Variants in MAGI2 observed in about 807,000 individuals in gnomAD.
MAGI2 encodes membrane associated guanylate kinase, WW and PDZ domain containing 2.
Under a neutral mutation model 133.3 loss-of-function variants are expected in MAGI2, and 35 were observed. That is an observed-to-expected ratio of 0.26 (90% CI 0.20 to 0.35). The LOEUF (loss-of-function observed/expected upper bound fraction) is 0.35, where lower values mean the gene tolerates loss of function less well. Ranked by LOEUF, MAGI2 falls within the 10% of genes least tolerant of loss-of-function variation. The pLI is 1.00. For synonymous variants in MAGI2, 729 were observed against 710.6 expected (o/e 1.03, Z -0.41); for missense variants, 1,636 against 1,863.4 (o/e 0.88, Z 2.25).
chr7:79,443,964 G>C (rs966942499), intron 1 of MAGI2, among the ~76,000 whole-genome samples: 1 of 152,136 alleles, frequency 6.6e-6, no homozygotes, highest in African/African-American at 2.4e-5. Flanking sequence ...CTATAAGGCA[G>C]TTATGAGGTT....
At chr7:79,027,644 G>T (rs2116763167) in intron 1 of MAGI2, among the ~76,000 whole-genome samples, 1 of 152,124 alleles carries the variant, frequency 6.6e-6, no homozygotes, top group South Asian at 2.1e-4. Flanking sequence ...ACAGTGTATT[G>T]TACATTTCCA....
intron 2 of MAGI2, among the ~76,000 whole-genome samples, chr7:78,762,015 T>C (rs943714154): frequency 6.6e-5 from 10 of 152,284 alleles, no homozygotes; most frequent in African/African-American, 2.4e-4. Context: ...TTTTCCTGTA[T>C]CAAATTATTT....
At chr7:78,403,824 G>T (rs565985784) in intron 6 of MAGI2, among the ~76,000 whole-genome samples, 1 of 152,226 alleles carries the variant, frequency 6.6e-6, no homozygotes, top group East Asian at 1.9e-4. Context: ...GGTCAATCAG[G>T]CAGGAGAAAG....
intron 1 of MAGI2, among the ~76,000 whole-genome samples, chr7:79,447,238 A>C (rs992045711): frequency 6.6e-6 from 1 of 152,178 alleles, no homozygotes; most frequent in Admixed American, 6.5e-5. Flanking sequence ...GTCCCTATGC[A>C]AGTCTTTAAC....
intron 10 of MAGI2, among the ~76,000 whole-genome samples, chr7:78,238,534 C>CAA (rs57547010): frequency 0.29 from 43,774 of 149,752 alleles, 7,330 homozygotes; most frequent in Non-Finnish European, 0.37. Flanking sequence ...GAACCTGTCT[C>CAA]AAAAAAAAAA....
chr7:78,831,507 C>T (rs946834793), intron 2 of MAGI2, among the ~76,000 whole-genome samples: 3 of 151,972 alleles, frequency 2.0e-5, no homozygotes, highest in African/African-American at 7.2e-5. Context: ...CCACCTTGTC[C>T]TCCCAAAGTG....
At chr7:78,948,171 C>T (rs997974500) in intron 2 of MAGI2, among the ~76,000 whole-genome samples, 2 of 152,000 alleles carry the variant, frequency 1.3e-5, no homozygotes, top group African/African-American at 4.8e-5. Flanking sequence ...GCCATACTGC[C>T]TTGAAAATTA....
intron 2 of MAGI2, among the ~76,000 whole-genome samples, chr7:78,771,951 T>C (rs1825627638): frequency 6.6e-6 from 1 of 152,180 alleles, no homozygotes; most frequent in Non-Finnish European, 1.5e-5. Flanking sequence ...ATGTAATAAA[T>C]ATAGCAAGTA....
chr7:79,136,932 T>C (rs1821631133), intron 1 of MAGI2, among the ~76,000 whole-genome samples: 1 of 152,146 alleles, frequency 6.6e-6, no homozygotes, highest in South Asian at 2.1e-4. Flanking sequence ...ATGCCTCCCA[T>C]TGGTCCCAGG....
intron 6 of MAGI2, among the ~76,000 whole-genome samples, chr7:78,478,952 C>G (rs972311623): frequency 1.3e-5 from 2 of 151,772 alleles, no homozygotes; most frequent in Admixed American, 6.6e-5. Flanking sequence ...TTTTCCTGAC[C>G]CATACCTAGA....
chr7:78,776,402 T>A (rs1196084843), intron 2 of MAGI2, among the ~76,000 whole-genome samples: 1 of 152,214 alleles, frequency 6.6e-6, no homozygotes, highest in Non-Finnish European at 1.5e-5. Flanking sequence ...TTATAATTGA[T>A]CCATAGTAGA....
chr7:79,244,266 A>T (rs1832652784), intron 1 of MAGI2, among the ~76,000 whole-genome samples: 1 of 152,238 alleles, frequency 6.6e-6, no homozygotes, highest in Non-Finnish European at 1.5e-5. Context: ...AACTATCCAC[A>T]CAGAAAAGTG....
intron 1 of MAGI2, among the ~76,000 whole-genome samples, chr7:79,376,844 G>GTA (rs2129139119): frequency 6.6e-6 from 1 of 151,156 alleles, no homozygotes; most frequent in Admixed American, 6.6e-5. Flanking sequence ...GTGTGTGGGT[G>GTA]TATGGCGTGT....
chr7:78,572,656 A>ATATTTATT (rs373624582), intron 3 of MAGI2, among the ~76,000 whole-genome samples: 1 of 151,566 alleles, frequency 6.6e-6, no homozygotes, highest in African/African-American at 2.4e-5. Context: ...ATTTACTTTT[A>ATATTTATT]TATTTATTTA....
At chr7:78,166,018 C>T (rs115895732) in intron 15 of MAGI2, among the ~76,000 whole-genome samples, 245 of 152,214 alleles carry the variant, frequency 1.6e-3, no homozygotes, top group African/African-American at 5.3e-3. Context: ...CTGGTGTGAA[C>T]GAGCAATCTG....
intron 1 of MAGI2, among the ~76,000 whole-genome samples, chr7:79,270,403 T>C (rs1229314429): frequency 6.6e-6 from 1 of 152,166 alleles, no homozygotes; most frequent in African/African-American, 2.4e-5. Context: ...GTTTAGATGA[T>C]CAGTTTCCTA....
At position 79,018,272 on chromosome 7, in the gene MAGI2, C is replaced by T. The variant is rs556168181; in HGVS notation, c.302-11066G>A. ...ATTCTTAAAGAAAAGAATTTTCAGC[C>T]AAGAATTTCATATATGGTCTAACTA... On this transcript the variant is annotated intron_variant, in intron 1 of 21. Coordinates refer to ENST00000354212, the MANE Select transcript of MAGI2 (RefSeq NM_012301.4). Among the ~76,000 whole-genome samples the T allele has an allele frequency of 7.9e-5, 12 of 152,016 alleles. No individual in the cohort carries two copies. In the South Asian group the frequency reaches 2.3e-3, roughly 29 times the overall value.
At chr7:78,964,058 T>C (rs1803095205) in intron 2 of MAGI2, among the ~76,000 whole-genome samples, 1 of 152,046 alleles carries the variant, frequency 6.6e-6, no homozygotes, top group Admixed American at 6.6e-5. Flanking sequence ...GTGTTAGATA[T>C]GTTTTATCTG....
chr7:78,729,552 T>G (rs941455307), intron 2 of MAGI2, among the ~76,000 whole-genome samples: 2 of 152,202 alleles, frequency 1.3e-5, no homozygotes, highest in Non-Finnish European at 2.9e-5. Context: ...TCAATATTTT[T>G]TGAACACAGT....
Sources: gnomAD v4.1 joint callset for allele counts (sites outside exome capture counted in the v4.1 genomes callset) on GRCh38, gnomAD v4.1.1 for gene constraint, MANE v1.5 for transcripts, NCBI Gene and HGNC (gene_info 2026-07-23, HGNC 2026-07-21) for gene names.